Variants in ARL10 observed in about 807,000 individuals in gnomAD.
ARL10 encodes ADP-ribosylation factor-like protein 10.
ARL10 carries 23 observed loss-of-function variants against 26.1 expected under a neutral mutation model. That is an observed-to-expected ratio of 0.88 (90% CI 0.63 to 1.25). ARL10 has a LOEUF of 1.25. Ranked by LOEUF, ARL10 falls within the 50% of genes most tolerant of loss-of-function variation. The pLI, the probability that ARL10 is intolerant of heterozygous loss-of-function variation, is 0.00. For missense variants in ARL10, 300 were observed against 323.6 expected (o/e 0.93, Z 0.56); for synonymous variants, 138 against 149.1 (o/e 0.93, Z 0.54).
chr5:176,406,806 T>C (rs1757145273), downstream of ARL10: 1 of 955,226 alleles, frequency 1.0e-6, no homozygotes, highest in Non-Finnish European at 1.4e-6. Context: ...CCCCTGCAGG[T>C]GCAGGCCAGA....
downstream of ARL10, chr5:176,389,588 T>C: frequency 7.4e-7 from 1 of 1,360,240 alleles, no homozygotes; most frequent in Admixed American, 2.4e-5. Context: ...CTCCCTCCTC[T>C]CCTTTGAGAG....
chr5:176,371,220 C>CA (rs1221544010), intron 3 of ARL10, among the ~76,000 whole-genome samples: 5 of 152,092 alleles, frequency 3.3e-5, no homozygotes, highest in Non-Finnish European at 7.4e-5. Context: ...ACTAAAAATA[C>CA]AAAAATTAGC....
chr5:176,406,318 C>A, downstream of ARL10: 6 of 1,073,854 alleles, frequency 5.6e-6, no homozygotes, highest in Non-Finnish European at 6.8e-6. Flanking sequence ...CAGGGCCAGG[C>A]TTGTCTCAGT....
At chr5:176,396,793 C>T (rs1404497656) in intron 1 of ARL10, among the ~76,000 whole-genome samples, 1 of 152,178 alleles carries the variant, frequency 6.6e-6, no homozygotes, top group Non-Finnish European at 1.5e-5. Context: ...TCAGTGGCTC[C>T]CCACTGCCCA....
downstream of ARL10, among the ~76,000 whole-genome samples, chr5:176,383,685 G>A (rs890914379): frequency 3.3e-5 from 5 of 152,254 alleles, no homozygotes; most frequent in Admixed American, 6.5e-5. Context: ...CCAGCCTAGT[G>A]GGGGGACTAG....
At chr5:176,406,798 C>A, downstream of ARL10, 2 of 1,033,698 alleles carry the variant, frequency 1.9e-6, no homozygotes, top group Non-Finnish European at 2.5e-6. Context: ...TTCTCCTCCC[C>A]CTGCAGGTGC....
At position 176,368,835 on chromosome 5, in the gene ARL10, C is replaced by T; in HGVS notation, c.414C>T (p.Tyr138=). ...GGGGCAGCCAGAACCTGCGCTTCTA[C>T]TGGAAGGAGTTTGTGAGCGAGGTGG... The part of the protein sequence containing the change: ...EIGGSQNLRF[Y]WKEFVSEVDV... The change falls in exon 3 of 4, where the codon TAC becomes TAT. Residue 138 remains tyrosine, a synonymous_variant. Transcript: ENST00000310389. This position sits in a 1 kb window ranked among gnomAD's most constrained non-coding sequence, Gnocchi z 4.1. 1 of 1,613,728 alleles carries T rather than the reference C, an allele frequency of 6.2e-7. No individual in the cohort carries two copies. The highest frequency in any genetic ancestry group is 8.5e-7 in the Non-Finnish European group (1 of 1,179,778).
downstream of ARL10, chr5:176,393,068 T>C (rs1217609774): frequency 1.8e-6 from 2 of 1,123,996 alleles, no homozygotes; most frequent in Non-Finnish European, 2.6e-6. This position sits in a 1 kb window ranked among gnomAD's most constrained non-coding sequence, Gnocchi z 4.4. Context: ...TGTGCCCCCC[T>C]GACTTCAGAG....
chr5:176,390,369 C>G (rs1756220784), downstream of ARL10, among the ~76,000 whole-genome samples: 1 of 152,052 alleles, frequency 6.6e-6, no homozygotes, highest in Non-Finnish European at 1.5e-5. Flanking sequence ...GCCCTCCACT[C>G]CGCATAACCT....
intron 1 of ARL10, among the ~76,000 whole-genome samples, chr5:176,394,496 A>G (rs578166055): frequency 6.6e-6 from 1 of 151,946 alleles, no homozygotes; most frequent in Middle Eastern, 3.4e-3. Context: ...ACATGGTGAA[A>G]CCCCATCTCT....
rs575817447 is a variant in ARL10 at position 176,372,673 on chromosome 5, A to G, written c.*778A>G. On this transcript the variant is annotated 3_prime_UTR_variant, in exon 4 of 4. Coordinates refer to ENST00000310389, the MANE Select transcript of ARL10 (RefSeq NM_173664.6). ...GGTTTTTCCCCTCTAATCTGGAGACAAGCTGCTGCTCTCGTACTAACTGTG... is the reference window on the plus strand; with the variant it reads ...GGTTTTTCCCCTCTAATCTGGAGACGAGCTGCTGCTCTCGTACTAACTGTG... 3.6e-4 allele frequency: 135 copies of G among 380,062 alleles called. No homozygotes were observed. The highest frequency in any genetic ancestry group is 2.6e-3 in the African/African-American group (126 of 48,396). 23.5% of individuals were successfully genotyped at this position (380,062 alleles called of 1,614,324 possible). A position where few individuals can be genotyped will look rare whatever the true frequency, so the allele number is the denominator to read the frequency against.
chr5:176,383,424 C>T (rs1270747420), downstream of ARL10, among the ~76,000 whole-genome samples: 1 of 152,242 alleles, frequency 6.6e-6, no homozygotes, highest in African/African-American at 2.4e-5. Flanking sequence ...CCGAATCAGG[C>T]AAGCCTGGCC....
Position 176,379,228 on chromosome 5 carries a change from G to A in ARL10, c.*7333G>A, listed in dbSNP as rs1755490151. ...TTCTTGCCCAAGCTGGAGTGCAGTG[G>A]TGTAATCTCAGCTCGCTGCAATCTC... is the stretch of plus-strand genomic sequence containing the variant. On this transcript the variant is annotated 3_prime_UTR_variant, in exon 4 of 4. Transcript: ENST00000310389. 1 of 152,194 alleles carries A rather than the reference G, an allele frequency of 6.6e-6. No homozygotes were observed. Among genetic ancestry groups the A allele is most frequent in the Non-Finnish European group, 1.5e-5 (1 of 68,048 alleles). 9.4% of individuals were successfully genotyped at this position (152,194 alleles called of 1,614,324 possible). A position where few individuals can be genotyped will look rare whatever the true frequency, so the allele number is the denominator to read the frequency against.
rs944504618 is a variant in ARL10 at position 176,373,309 on chromosome 5, T to C, written c.*1414T>C. On this transcript the variant is annotated 3_prime_UTR_variant, in exon 4 of 4. Transcript: ENST00000310389. ...CAGTGCACATTCCATAGTTCTCCAGTGCTTGGCGATCAGCCCAATTGAAGG... is the reference window on the plus strand; with the variant it reads ...CAGTGCACATTCCATAGTTCTCCAGCGCTTGGCGATCAGCCCAATTGAAGG... 1.1e-5 allele frequency: 4 copies of C among 351,452 alleles called. No individual in the cohort carries two copies. Among genetic ancestry groups the C allele is most frequent in the African/African-American group, 8.4e-5 (4 of 47,812 alleles). 21.8% of individuals were successfully genotyped at this position (351,452 alleles called of 1,614,324 possible). A position where few individuals can be genotyped will look rare whatever the true frequency, so the allele number is the denominator to read the frequency against.
the ARL10 span, among the ~76,000 whole-genome samples, chr5:176,411,495 C>T: frequency 6.6e-6 from 1 of 152,186 alleles, no homozygotes; most frequent in Non-Finnish European, 1.5e-5. Flanking sequence ...TAAAGGCCTC[C>T]CTGACCACAC....
At chr5:176,401,561 A>T (rs1192651042) in intron 1 of ARL10, among the ~76,000 whole-genome samples, 1 of 152,200 alleles carries the variant, frequency 6.6e-6, no homozygotes, top group Non-Finnish European at 1.5e-5. Context: ...GGAAGGGAAG[A>T]GAGGGTCATA....
chr5:176,367,930 AC>A (rs1469950801), intron 2 of ARL10: 1 of 531,380 alleles, frequency 1.9e-6, no homozygotes, highest in Non-Finnish European at 3.8e-6. Flanking sequence ...TGCCTTGCTC[AC>A]CTCTGTATCT....
Position 176,372,123 on chromosome 5 carries a change from G to A in ARL10, c.*228G>A. On this transcript the variant is annotated 3_prime_UTR_variant, in exon 4 of 4. Transcript: ENST00000310389. ...AGGTGGGTGAGACAGAGGGTGGGGA[G>A]GATAGTGTCTGGCTCATTCCAGGCT... is the stretch of plus-strand genomic sequence containing the variant. 1.4e-6 allele frequency: 2 copies of A among 1,383,048 alleles called. No individual in the cohort carries two copies. Among genetic ancestry groups the A allele is most frequent in the Non-Finnish European group, 1.9e-6 (2 of 1,061,926 alleles). The allele number at this position is 1,383,048 out of a possible 1,614,324, so 85.7% of individuals were successfully genotyped here.
Position 176,397,608 on chromosome 5 carries a change from G to A in ARL10, c.134-4133G>A, listed in dbSNP as rs765062245. 1.5e-5 allele frequency: 22 copies of A among 1,429,958 alleles called. No homozygotes were observed. In the Admixed American group the frequency reaches 1.8e-4, roughly 12 times the overall value. 88.6% of individuals were successfully genotyped at this position (1,429,958 alleles called of 1,614,324 possible). A position where few individuals can be genotyped will look rare whatever the true frequency, so the allele number is the denominator to read the frequency against. On this transcript the variant is annotated intron_variant, in intron 1 of 1. Coordinates refer to the ARL10 transcript ENST00000514533. ...CTCATGTCCCTACAGCCCTCTCACC[G>A]GTTGTTGATCTTGTTCTTCTCTACT...
Sources: allele counts gnomAD v4.1 joint callset (sites outside exome capture counted in the v4.1 genomes callset), GRCh38; gene constraint gnomAD v4.1.1; non-coding constraint Gnocchi (gnomAD v3.1); transcripts MANE v1.5; gene names NCBI Gene and HGNC (gene_info 2026-07-23, HGNC 2026-07-21).